Variants in LRRC49 observed in about 807,000 individuals in gnomAD.
LRRC49 encodes leucine-rich repeat-containing protein 49.
LRRC49 carries 50 observed loss-of-function variants against 83.3 expected under a neutral mutation model. The ratio of observed to expected loss-of-function variants is 0.60; its 90% CI spans 0.48 to 0.76. LRRC49 has a LOEUF of 0.76. LRRC49 is among the 30% of genes least tolerant of loss of function. LRRC49 has a pLI of 0.00. For synonymous variants in LRRC49, 286 were observed against 283.3 expected, an observed-to-expected ratio of 1.01 and a Z score of -0.10; for missense variants, 704 against 809.1, an observed-to-expected ratio of 0.87 and a Z score of 1.58.
At chr15:71,041,126 T>C (rs921389742) in intron 15 of LRRC49, among the ~76,000 whole-genome samples, 1 of 152,168 alleles carries the variant, frequency 6.6e-6, no homozygotes, top group African/African-American at 2.4e-5. Flanking sequence ...AACACCCAGC[T>C]AAGCCGTGCC....
At chr15:70,877,493 T>C (rs2033175822) in intron 2 of LRRC49, among the ~76,000 whole-genome samples, 2 of 152,248 alleles carry the variant, frequency 1.3e-5, no homozygotes, top group Admixed American at 1.3e-4. Flanking sequence ...CTCAGCATAA[T>C]ACTTTCAAAA....
chr15:70,911,692 C>T, intron 6 of LRRC49, 94 bp downstream of exon 6: 1 of 754,190 alleles, frequency 1.3e-6, no homozygotes, highest in Non-Finnish European at 2.2e-6. Flanking sequence ...TTGAATTTTT[C>T]AAGAGTTTCT....
At chr15:70,937,430 G>C (rs1422747147) in intron 8 of LRRC49, among the ~76,000 whole-genome samples, 1 of 152,116 alleles carries the variant, frequency 6.6e-6, no homozygotes, top group African/African-American at 2.4e-5. Flanking sequence ...CAATGCAAAA[G>C]GGCCCCTACT....
At chr15:70,914,085 C>T (rs917895492) in intron 6 of LRRC49, among the ~76,000 whole-genome samples, 1 of 151,626 alleles carries the variant, frequency 6.6e-6, no homozygotes, top group Non-Finnish European at 1.5e-5. Flanking sequence ...GTAATTTGTG[C>T]AGTACAAATG....
intron 6 of LRRC49, among the ~76,000 whole-genome samples, chr15:70,917,706 T>C (rs1353918154): frequency 6.6e-6 from 1 of 152,176 alleles, no homozygotes; most frequent in African/African-American, 2.4e-5. Context: ...ACCCTGGCTG[T>C]GGAAAGGAGC....
rs569405571 is a variant in LRRC49, at chr15:70,907,639, A to G, written c.500+2884A>G. 10 of 166,868 alleles carry G rather than the reference A, an allele frequency of 6.0e-5. No individual in the cohort carries two copies. The South Asian group carries it at 1.5e-3, about 25-fold the overall frequency. The allele number at this position is 166,868 out of a possible 1,614,324, so 10.3% of individuals were successfully genotyped here. On this transcript the variant is annotated intron_variant, in intron 5 of 15. Coordinates refer to ENST00000260382, the MANE Select transcript of LRRC49 (RefSeq NM_017691.5). ...TTTGACTCCTTGAAGTTTCCCACTT[A>G]AGGATTTGTTTCTGACACCTGAAAA...
chr15:71,002,937 G>T, intron 11 of LRRC49, among the ~76,000 whole-genome samples: 1 of 53,986 alleles, frequency 1.9e-5, no homozygotes, highest in Non-Finnish European at 4.4e-5. Flanking sequence ...ATATTTTCTG[G>T]CCTTTTTTTT....
At chr15:70,995,485 T>C (rs1269598478) in intron 11 of LRRC49, among the ~76,000 whole-genome samples, 1 of 152,168 alleles carries the variant, frequency 6.6e-6, no homozygotes, top group Non-Finnish European at 1.5e-5. Context: ...AGAGATCCGT[T>C]GAAGCCATTA....
At chr15:70,972,274 T>C (rs1317599980) in intron 9 of LRRC49, among the ~76,000 whole-genome samples, 2 of 152,344 alleles carry the variant, frequency 1.3e-5, no homozygotes, top group South Asian at 2.1e-4. Flanking sequence ...AAATTCTGGG[T>C]TGAAAATTCT....
At position 71,053,546 on chromosome 15, in the gene LRRC49, G is replaced by C. The variant is rs926399941; in HGVS notation, c.*3934G>C. The C allele has an allele frequency of 6.6e-6, 1 of 152,386 alleles. No homozygotes were observed. Among genetic ancestry groups the C allele is most frequent in the East Asian group, 1.9e-4 (1 of 5,190 alleles). 9.4% of individuals were successfully genotyped at this position (152,386 alleles called of 1,614,324 possible). On this transcript the variant is annotated 3_prime_UTR_variant, in exon 16 of 16. Transcript: ENST00000260382. ...TAGGTGTGAATATGAGTTGGGAGTT[G>C]AGAAGTATAGATTGGGCTAGAATTA...
intron 11 of LRRC49, among the ~76,000 whole-genome samples, chr15:71,006,282 A>C (rs1224918075): frequency 2.6e-5 from 4 of 152,288 alleles, no homozygotes; most frequent in African/African-American, 9.6e-5. Context: ...TTTATTGTGG[A>C]GCTTATATTC....
At chr15:70,890,913 T>C (rs182784094), upstream of LRRC49, among the ~76,000 whole-genome samples, 7 of 152,250 alleles carry the variant, frequency 4.6e-5, no homozygotes, top group East Asian at 1.4e-3. Context: ...GGAAAAAACA[T>C]GCAGGGCCAT....
rs371159208 is a variant in LRRC49 at position 70,904,767 on chromosome 15, A to G, written c.500+12A>G. On this transcript the variant is annotated intron_variant, in intron 5 of 15. Coordinates refer to ENST00000260382, the MANE Select transcript of LRRC49 (RefSeq NM_017691.5). ...TTGGGGAAAAACAGGTATTCTTTGT[A>G]GAGCAGTTTTTGTAGCCTAATGTTA... The G allele has an allele frequency of 3.4e-5, 54 of 1,599,628 alleles. No homozygotes were observed. In the African/African-American group the frequency reaches 6.3e-4, roughly 19 times the overall value.
chr15:70,990,047 G>A (rs2037802892), intron 11 of LRRC49, among the ~76,000 whole-genome samples: 1 of 152,168 alleles, frequency 6.6e-6, no homozygotes, highest in South Asian at 2.1e-4. Flanking sequence ...CCCTACTGGG[G>A]GGTGCCTCCC....
At chr15:70,886,029 C>A (rs996288719) in intron 2 of LRRC49, among the ~76,000 whole-genome samples, 2 of 152,008 alleles carry the variant, frequency 1.3e-5, no homozygotes, top group African/African-American at 4.8e-5. Flanking sequence ...AAAAATTTAA[C>A]TAAAAAATGC....
rs1285039683 is a variant in LRRC49 at position 70,942,406 on chromosome 15, T to C, written c.773+5584T>C. On this transcript the variant is annotated intron_variant, in intron 8 of 15. Coordinates refer to ENST00000260382, the MANE Select transcript of LRRC49 (RefSeq NM_017691.5). ...TTGAGACCAACATACGTTTTATGAT[T>C]TCCTTTGTATTTTGTTTTACAAAGG... is the stretch of plus-strand genomic sequence containing the variant. Among the ~76,000 whole-genome samples the C allele has an allele frequency of 3.9e-5, 6 of 152,174 alleles. No homozygotes were observed. The South Asian group carries it at 8.3e-4, about 21-fold the overall frequency.
chr15:71,002,652 T>G (rs1467937264), intron 11 of LRRC49, among the ~76,000 whole-genome samples: 2 of 152,154 alleles, frequency 1.3e-5, no homozygotes, highest in Non-Finnish European at 2.9e-5. Flanking sequence ...CACCTATGAA[T>G]GTTGTAATAG....
At chr15:70,914,246 A>G (rs1179637300) in intron 6 of LRRC49, among the ~76,000 whole-genome samples, 2 of 152,200 alleles carry the variant, frequency 1.3e-5, no homozygotes, top group Non-Finnish European at 2.9e-5. Context: ...GAACTATTCT[A>G]GATGAAACAA....
intron 5 of LRRC49, chr15:70,908,551 T>G (rs1430344434): frequency 2.0e-5 from 3 of 152,660 alleles, no homozygotes; most frequent in African/African-American, 7.2e-5. Flanking sequence ...AAAATATATC[T>G]GAAAAATATC....
Sources: allele counts gnomAD v4.1 joint callset (sites outside exome capture counted in the v4.1 genomes callset), GRCh38; gene constraint gnomAD v4.1.1; transcripts MANE v1.5; gene names NCBI Gene and HGNC (gene_info 2026-07-23, HGNC 2026-07-21).